Variants in SRGAP2B observed in about 807,000 individuals in gnomAD.
SRGAP2B encodes the protein SLIT-ROBO Rho GTPase activating protein 2B.
Under a neutral mutation model 22.2 loss-of-function variants are expected in SRGAP2B, and 9 were observed. The ratio of observed to expected loss-of-function variants is 0.41; its 90% CI spans 0.24 to 0.71. The LOEUF (loss-of-function observed/expected upper bound fraction) is 0.71. SRGAP2B is among the 30% of genes least tolerant of loss of function. The pLI is 0.35. For synonymous variants in SRGAP2B, 36 were observed against 87.4 expected, an observed-to-expected ratio of 0.41 and a Z score of 3.28; for missense variants, 114 against 235.8, an observed-to-expected ratio of 0.48 and a Z score of 3.38.
intron 4 of SRGAP2B, among the ~76,000 whole-genome samples, chr1:144,926,680 C>T (rs1261959916): frequency 6.7e-6 from 1 of 150,056 alleles, no homozygotes; most frequent in East Asian, 2.0e-4. Context: ...AACAGATAGA[C>T]CCTCTCTTTA....
chr1:144,917,954 GC>G (rs1553603980), intron 4 of SRGAP2B: 3 of 62,336 alleles, frequency 4.8e-5, no homozygotes, highest in Admixed American at 1.8e-4. Context: ...GAGCTGGTAA[GC>G]CACAAGGGGG....
At chr1:144,925,640 A>G (rs1279070545) in intron 4 of SRGAP2B, among the ~76,000 whole-genome samples, 13 of 125,976 alleles carry the variant, frequency 1.0e-4, no homozygotes, top group African/African-American at 1.7e-4. Context: ...CAAGACTCAG[A>G]AAAAAAAAAA....
Position 144,958,330 on chromosome 1 carries a change from T to G in SRGAP2B, c.261-2729A>C, listed in dbSNP as rs587772697. On this transcript the variant is annotated intron_variant, in intron 3 of 9. Transcript: ENST00000612199. ...AGGATGGCTGGAAGTAGAAATCTTT[T>G]AAAATAAAATGCCTTACCACTTAAT... Among the ~76,000 whole-genome samples the G allele has an allele frequency of 1.3e-5, 2 of 151,192 alleles. 1 individual carries two copies. The highest frequency in any genetic ancestry group is 4.9e-5 in the African/African-American group (2 of 40,628).
intron 3 of SRGAP2B, among the ~76,000 whole-genome samples, chr1:144,962,185 CAAGT>C (rs1318452809): frequency 1.9e-5 from 2 of 104,894 alleles, no homozygotes; most frequent in African/African-American, 8.1e-5. Context: ...TTTTCAGGGA[CAAGT>C]GAGTACCACA....
intron 3 of SRGAP2B, among the ~76,000 whole-genome samples, chr1:144,993,411 CAT>C (rs1670416875): frequency 6.6e-6 from 1 of 150,544 alleles, no homozygotes; most frequent in Non-Finnish European, 1.5e-5. Context: ...ATATCAAAAA[CAT>C]AGATGGGCTG....
At chr1:144,925,108 T>C (rs1488772236) in intron 4 of SRGAP2B, among the ~76,000 whole-genome samples, 1 of 149,112 alleles carries the variant, frequency 6.7e-6, no homozygotes, top group African/African-American at 2.6e-5. Flanking sequence ...GTTCAAGTGA[T>C]TCCCCTGCCT....
At chr1:145,030,723 TA>T (rs1648221450) in intron 2 of SRGAP2B, among the ~76,000 whole-genome samples, 1 of 30,066 alleles carries the variant, frequency 3.3e-5, no homozygotes, top group East Asian at 9.5e-4. Context: ...AAAAAAAAAA[TA>T]TATATATATA....
intron 3 of SRGAP2B, among the ~76,000 whole-genome samples, chr1:144,956,785 A>G (rs1289761011): frequency 4.0e-5 from 6 of 149,722 alleles, no homozygotes; most frequent in Non-Finnish European, 7.4e-5. Flanking sequence ...TGTGATCCAA[A>G]AGAATTATTG....
chr1:144,917,649 T>G (rs1663954898), intron 4 of SRGAP2B, among the ~76,000 whole-genome samples: 1 of 145,568 alleles, frequency 6.9e-6, no homozygotes. Context: ...CACTCAACTA[T>G]TATCCCTGTT....
At chr1:145,001,997 GGGTGACAGAGCAA>G (rs1215196808) in intron 2 of SRGAP2B, among the ~76,000 whole-genome samples, 1 of 140,974 alleles carries the variant, frequency 7.1e-6, no homozygotes, top group Non-Finnish European at 1.5e-5. Context: ...ACTCCAGCCT[GGGTGACAGAGCAA>G]CACCCTGTCT....
At chr1:145,002,589 GAAAC>G (rs1420445358) in intron 2 of SRGAP2B, among the ~76,000 whole-genome samples, 1 of 148,188 alleles carries the variant, frequency 6.7e-6, no homozygotes, top group African/African-American at 2.6e-5. Context: ...ATATAAAAAA[GAAAC>G]AAACAAAAAA....
chr1:145,056,952 AAC>A (rs199492508), intron 2 of SRGAP2B, among the ~76,000 whole-genome samples: 10,308 of 121,914 alleles, frequency 0.085, 223 homozygotes, highest in African/African-American at 0.11. Flanking sequence ...AAGGAGATAA[AAC>A]ACACACACAC....
Position 144,887,774 on chromosome 1 carries a change from C to G in SRGAP2B, c.*4386G>C, listed in dbSNP as rs1360316597. The G allele has an allele frequency of 4.3e-5, 2 of 46,054 alleles. 1 individual carries two copies. The highest frequency in any genetic ancestry group is 5.0e-4 in the Admixed American group (2 of 4,002). 2.9% of individuals were successfully genotyped at this position (46,054 alleles called of 1,614,324 possible). A position where few individuals can be genotyped will look rare whatever the true frequency, so the allele number is the denominator to read the frequency against. ...AAAGAAAGAATGGTAAACTTTTTAA[C>G]AACATAATTTATCCTTCTAGAATAT... On this transcript the variant is annotated 3_prime_UTR_variant, in exon 10 of 10. Coordinates refer to ENST00000612199, the Ensembl canonical transcript of SRGAP2B.
At chr1:144,998,552 AAAGAAG>A (rs1398400167) in intron 2 of SRGAP2B, among the ~76,000 whole-genome samples, 1 of 149,858 alleles carries the variant, frequency 6.7e-6, no homozygotes, top group Non-Finnish European at 1.5e-5. Flanking sequence ...AACTGGCCAA[AAAGAAG>A]AAGAGGAAGA....
intron 2 of SRGAP2B, among the ~76,000 whole-genome samples, chr1:145,068,223 A>C (rs1375139953): frequency 2.1e-5 from 3 of 144,668 alleles, no homozygotes; most frequent in Admixed American, 1.4e-4. Flanking sequence ...AAAAAAAAAA[A>C]AAAACAAATA....
chr1:145,076,935 CG>C (rs1391853648), intron 2 of SRGAP2B, among the ~76,000 whole-genome samples: 1 of 143,092 alleles, frequency 7.0e-6, no homozygotes, highest in Non-Finnish European at 1.5e-5. Flanking sequence ...AAAAAAAGGC[CG>C]GATATCATCC....
At chr1:144,998,556 A>T (rs2102176791) in intron 2 of SRGAP2B, among the ~76,000 whole-genome samples, 1 of 150,058 alleles carries the variant, frequency 6.7e-6, no homozygotes, top group South Asian at 2.1e-4. Flanking sequence ...GGCCAAAAAG[A>T]AGAAGAGGAA....
intron 2 of SRGAP2B, among the ~76,000 whole-genome samples, chr1:145,061,595 T>C (rs1302462038): frequency 6.7e-6 from 1 of 150,128 alleles, no homozygotes; most frequent in Non-Finnish European, 1.5e-5. Flanking sequence ...TCACTTTTTT[T>C]TCCCCCCTCT....
intron 3 of SRGAP2B, among the ~76,000 whole-genome samples, chr1:144,971,415 AC>A (rs1416512908): frequency 6.7e-6 from 1 of 149,830 alleles, no homozygotes; most frequent in Non-Finnish European, 1.5e-5. Context: ...ACAGGTGTGA[AC>A]CACCGCACCC....
Sources: gnomAD v4.1 joint callset for allele counts (sites outside exome capture counted in the v4.1 genomes callset) on GRCh38, gnomAD v4.1.1 for gene constraint, MANE v1.5 for transcripts, NCBI Gene and HGNC (gene_info 2026-07-23, HGNC 2026-07-21) for gene names.